Variants in NKAIN3 observed in about 807,000 individuals in gnomAD.
NKAIN3 encodes the protein sodium/potassium-transporting ATPase subunit beta-1-interacting protein 3.
Under a neutral mutation model 30.2 loss-of-function variants are expected in NKAIN3, and 25 were observed. The observed-to-expected ratio is 0.83, with a 90% CI of 0.60 to 1.16. The LOEUF (loss-of-function observed/expected upper bound fraction) is 1.16, where lower values mean the gene tolerates loss of function less well. NKAIN3 is among the 50% of genes most tolerant of loss of function. The pLI, the probability that NKAIN3 is intolerant of heterozygous loss-of-function variation, is 0.00. For synonymous variants in NKAIN3, 91 were observed against 89.6 expected, an observed-to-expected ratio of 1.02 and a Z score of -0.09; for missense variants, 225 against 254.1, an observed-to-expected ratio of 0.89 and a Z score of 0.78.
intron 1 of NKAIN3, among the ~76,000 whole-genome samples, chr8:62,438,464 G>C (rs1805233498): frequency 1.3e-5 from 2 of 152,116 alleles, no homozygotes; most frequent in African/African-American, 4.8e-5. Flanking sequence ...GAGTGCATCT[G>C]TCACCTGGAA....
At position 62,628,305 on chromosome 8, in the gene NKAIN3, A is replaced by G. The variant is rs1395958725; in HGVS notation, c.273+38511A>G. ...TCTCTACACTGAATTAAGTGCTTGT[A>G]TATGTTGCTGCACAACAAAATGCAT... On this transcript the variant is annotated intron_variant, in intron 3 of 6. Coordinates refer to ENST00000623646, the MANE Select transcript of NKAIN3 (RefSeq NM_001304533.3). Among the ~76,000 whole-genome samples the G allele has an allele frequency of 5.3e-5, 8 of 152,274 alleles. No homozygotes were observed. In the East Asian group the frequency reaches 1.5e-3, roughly 29 times the overall value.
intron 3 of NKAIN3, among the ~76,000 whole-genome samples, chr8:62,688,556 G>A (rs748629889): frequency 6.6e-6 from 1 of 152,092 alleles, no homozygotes; most frequent in African/African-American, 2.4e-5. Flanking sequence ...GTATAGCAGA[G>A]AATAAAACAA....
chr8:62,962,855 C>T (rs749460287), intron 6 of NKAIN3, among the ~76,000 whole-genome samples: 7 of 152,028 alleles, frequency 4.6e-5, no homozygotes, highest in South Asian at 2.1e-4. Context: ...GTGATGAATG[C>T]GTAGAGATTC....
At chr8:62,406,178 T>C (rs779383505) in intron 1 of NKAIN3, among the ~76,000 whole-genome samples, 17 of 152,212 alleles carry the variant, frequency 1.1e-4, no homozygotes, top group Non-Finnish European at 1.9e-4. Flanking sequence ...GCTGAGTACA[T>C]ACAAGGTATT....
intron 4 of NKAIN3, among the ~76,000 whole-genome samples, chr8:62,865,282 C>G (rs114024700): frequency 0.016 from 2,444 of 152,284 alleles, 76 homozygotes; most frequent in African/African-American, 0.056. Flanking sequence ...CTGGCGAATG[C>G]CTTCAGCATC....
At chr8:62,961,967 T>C (rs1437666685) in intron 6 of NKAIN3, among the ~76,000 whole-genome samples, 1 of 152,222 alleles carries the variant, frequency 6.6e-6, no homozygotes, top group Non-Finnish European at 1.5e-5. Context: ...CTGGGGCAAG[T>C]TACTCTAGTC....
intron 1 of NKAIN3, among the ~76,000 whole-genome samples, chr8:62,407,340 A>G (rs1804103727): frequency 6.6e-6 from 1 of 150,764 alleles, no homozygotes; most frequent in Non-Finnish European, 1.5e-5. Flanking sequence ...ATCATGGTAT[A>G]TAGAGAGTTT....
chr8:62,308,800 T>C lies in NKAIN3; in HGVS notation c.54+59673T>C, dbSNP rs11992850. ...AGAAGAGAGCAGGTGCAGAAAGAGA[T>C]ACTAAATTCAGAAATAGAAATTTCA... On this transcript the variant is annotated intron_variant, in intron 1 of 6. Coordinates refer to ENST00000623646, the MANE Select transcript of NKAIN3 (RefSeq NM_001304533.3). Among the ~76,000 whole-genome samples, 1,458 of 150,570 alleles carry C rather than the reference T, an allele frequency of 9.7e-3. 145 individuals are homozygous for C. Among genetic ancestry groups the C allele is most frequent in the African/African-American group, 0.034 (1,372 of 39,988 alleles).
chr8:62,855,042 T>C (rs1200455600), intron 4 of NKAIN3: 2 of 152,924 alleles, frequency 1.3e-5, no homozygotes, highest in African/African-American at 2.4e-5. Flanking sequence ...CTTTTCTTTT[T>C]TTTATTTTTA....
intron 1 of NKAIN3, among the ~76,000 whole-genome samples, chr8:62,319,753 T>C (rs1214314112): frequency 1.3e-5 from 2 of 152,218 alleles, no homozygotes; most frequent in African/African-American, 2.4e-5. Context: ...TACTTCCAAC[T>C]ATGTGGCCAA....
intron 3 of NKAIN3, among the ~76,000 whole-genome samples, chr8:62,669,176 A>C (rs1044069293): frequency 6.6e-6 from 1 of 152,202 alleles, no homozygotes; most frequent in Non-Finnish European, 1.5e-5. Context: ...GGATGTTAAC[A>C]TTAGCCACTT....
At chr8:62,488,223 G>T (rs1220666287) in intron 1 of NKAIN3, among the ~76,000 whole-genome samples, 1 of 152,056 alleles carries the variant, frequency 6.6e-6, no homozygotes, top group Admixed American at 6.6e-5. Flanking sequence ...TGATTTTGCT[G>T]GTTCACCCAC....
At chr8:62,808,045 C>A (rs544702900) in intron 4 of NKAIN3, among the ~76,000 whole-genome samples, 16 of 152,084 alleles carry the variant, frequency 1.1e-4, no homozygotes, top group Non-Finnish European at 1.9e-4. Context: ...TTTTTGAACA[C>A]AATAAAGTCT....
intron 3 of NKAIN3, among the ~76,000 whole-genome samples, chr8:62,651,676 T>G (rs993858206): frequency 3.3e-5 from 5 of 152,164 alleles, no homozygotes; most frequent in African/African-American, 1.2e-4. Context: ...AAATCTCATA[T>G]TGAAATGTGA....
chr8:62,472,698 G>C (rs577135492), intron 1 of NKAIN3, among the ~76,000 whole-genome samples: 1 of 152,146 alleles, frequency 6.6e-6, no homozygotes, highest in Non-Finnish European at 1.5e-5. Flanking sequence ...TCCATTCAGT[G>C]ACTGAAAAGA....
chr8:62,691,652 G>A (rs1472612820), intron 3 of NKAIN3, among the ~76,000 whole-genome samples: 3 of 152,084 alleles, frequency 2.0e-5, no homozygotes, highest in Admixed American at 2.0e-4. Context: ...CATGTTCTGG[G>A]TTCTGTCTTC....
intron 4 of NKAIN3, among the ~76,000 whole-genome samples, chr8:62,792,866 G>C (rs1420234713): frequency 6.6e-6 from 1 of 152,126 alleles, no homozygotes; most frequent in Non-Finnish European, 1.5e-5. Flanking sequence ...AAATGATTTA[G>C]TGTAATGATT....
intron 1 of NKAIN3, among the ~76,000 whole-genome samples, chr8:62,345,525 A>ATATATACACATATATACACACATATATG (rs1815954752): frequency 7.2e-6 from 1 of 138,490 alleles, no homozygotes; most frequent in Admixed American, 7.1e-5. Flanking sequence ...ACATATATGT[A>ATATATACACATATATACACACATATATG]TATATACACA....
At chr8:62,299,046 T>G (rs1036310580) in intron 1 of NKAIN3, among the ~76,000 whole-genome samples, 1 of 151,996 alleles carries the variant, frequency 6.6e-6, no homozygotes, top group East Asian at 1.9e-4. Context: ...AGTATAGAGA[T>G]GAGAAGATAA....
Sources: gnomAD v4.1 joint callset for allele counts (sites outside exome capture counted in the v4.1 genomes callset) on GRCh38, gnomAD v4.1.1 for gene constraint, MANE v1.5 for transcripts, NCBI Gene and HGNC (gene_info 2026-07-23, HGNC 2026-07-21) for gene names.